The following DOCK7 variants were observed in gnomAD, a reference collection of about 807,000 sequenced individuals.
DOCK7 encodes the protein dedicator of cytokinesis 7, also known as dedicator of cytokinesis protein 7.
In DOCK7, 138 loss-of-function variants were observed where a neutral mutation model predicts 271.0. The ratio of observed to expected loss-of-function variants is 0.51; its 90% confidence interval spans 0.44 to 0.59. The LOEUF is 0.59. Among genes scored for constraint, DOCK7 ranks in the 20% least tolerant of loss-of-function variants. The probability of loss-of-function intolerance (pLI) is 0.00; values close to 1 mark genes in which losing one functional copy is unlikely to be tolerated. For synonymous variants in DOCK7, 823 were observed against 876.1 expected, an observed-to-expected ratio of 0.94 and a Z score of 1.07; for missense variants, 2,066 against 2,592.4, an observed-to-expected ratio of 0.80 and a Z score of 4.41.
At chr1:62,561,809 A>T in intron 18 of DOCK7, 106 bp from the exon 19 acceptor site, 1 of 573,402 alleles carries the variant, frequency 1.7e-6, no homozygotes, top group Non-Finnish European at 2.9e-6. Context: ...GTGAAAATAT[A>T]TTTTTATTCA....
intron 20 of DOCK7, 106 bp from the exon 21 acceptor site, chr1:62,556,095 T>C: frequency 5.4e-6 from 6 of 1,119,100 alleles, no homozygotes; most frequent in East Asian, 2.4e-5. Context: ...GTATAGTGAC[T>C]ACACAGTAAG....
rs142687575 is a variant in DOCK7 at position 62,685,998 on chromosome 1, G to A, written c.38+2229C>T. ...CAACTGATTCTCTTTTTCTCTTGTG[G>A]TTTGTCCTATCCCATCTGGTGGCGA... On this transcript the variant is annotated intron_variant, in intron 1 of 49. Transcript: ENST00000635253. Among the ~76,000 whole-genome samples, 7 of 152,060 alleles carry A rather than the reference G, an allele frequency of 4.6e-5. No homozygotes were observed. In the East Asian group the frequency reaches 1.4e-3, roughly 29 times the overall value.
At chr1:62,504,814 T>C in intron 36 of DOCK7, 32 bp from the exon 37 acceptor site, 1 of 1,603,948 alleles carries the variant, frequency 6.2e-7, no homozygotes, top group East Asian at 2.2e-5. Flanking sequence ...CACCACTGAA[T>C]TTTTACAGTA....
intron 14 of DOCK7, among the ~76,000 whole-genome samples, chr1:62,616,868 G>T (rs1571782825): frequency 6.6e-6 from 1 of 151,638 alleles, no homozygotes; most frequent in East Asian, 1.9e-4. Context: ...CAAGGGTACT[G>T]CTTAAAGCCA....
chr1:62,476,147 C>T lies in DOCK7; in HGVS notation c.5644G>A (p.Gly1882Arg), dbSNP rs1412298914. The change falls in exon 45 of 50, where the codon GGA becomes AGA. Residue 1882 changes from glycine (G) to arginine (R), a missense_variant. Physicochemically the swap from Gly to Arg is moderately radical, Grantham distance 125 (BLOSUM62 -2). Transcript: ENST00000635253. The stretch of plus-strand genomic sequence containing the variant: ...ACCACATCCTCTCCAAATCTTTCTC[C>T]GTAAAATCCCTACAATAAAGAAAAA... ...EISHRLEGFYGERFGEDVVEV... is the reference protein window; with the variant it reads ...EISHRLEGFYRERFGEDVVEV... 23 of 1,611,022 alleles carry T rather than the reference C, an allele frequency of 1.4e-5. No individual in the cohort carries two copies. The highest frequency in any genetic ancestry group is 2.0e-5 in the Non-Finnish European group (23 of 1,178,886).
intron 15 of DOCK7, among the ~76,000 whole-genome samples, chr1:62,586,188 C>CT (rs1161246982): frequency 6.6e-6 from 1 of 152,134 alleles, no homozygotes; most frequent in Non-Finnish European, 1.5e-5. Flanking sequence ...GATATCTCTA[C>CT]TTTGATAGAG....
intron 48 of DOCK7, among the ~76,000 whole-genome samples, chr1:62,463,167 T>C (rs1415331293): frequency 6.6e-6 from 1 of 152,134 alleles, no homozygotes; most frequent in East Asian, 1.9e-4. Flanking sequence ...TATGTAACTT[T>C]ACAGAGGAGG....
intron 18 of DOCK7, among the ~76,000 whole-genome samples, chr1:62,562,233 C>CATTTTTTTTTT: frequency 8.2e-6 from 1 of 121,260 alleles, no homozygotes. Flanking sequence ...GATCCAAAAA[C>CATTTTTTTTTT]TTTTTTTTTT....
At chr1:62,590,900 CTTAGT>C (rs1348023022) in intron 14 of DOCK7, among the ~76,000 whole-genome samples, 2 of 151,998 alleles carry the variant, frequency 1.3e-5, no homozygotes, top group African/African-American at 4.8e-5. Flanking sequence ...TGGTGGGAGT[CTTAGT>C]TTAACCACTG....
At position 62,511,734 on chromosome 1, in the gene DOCK7, A is replaced by G. The variant is rs1032516499; in HGVS notation, c.4283-1061T>C. ...TCTCTTTCTCTTTTTTAAATTCTGA[A>G]ATCCATGTCTTTAGGAAATTTATGG... On this transcript the variant is annotated intron_variant, in intron 33 of 49. Transcript: ENST00000635253. Among the ~76,000 whole-genome samples the G allele has an allele frequency of 2.6e-5, 4 of 152,052 alleles. No homozygotes were observed. The East Asian group carries it at 5.8e-4, about 22-fold the overall frequency.
In DOCK7 at chr1:62,652,090, A is replaced by G. The variant is rs77053163; in HGVS notation, c.389+1635T>C. On this transcript the variant is annotated intron_variant, in intron 4 of 49. Coordinates refer to ENST00000635253, the MANE Select transcript of DOCK7 (RefSeq NM_001367561.1). ...AATTACTGATCCTAAATAAATAAAT[A>G]AATAAAGGCAGATATCTCTGCTGTC... Among the ~76,000 whole-genome samples, 838 of 152,306 alleles carry G rather than the reference A, an allele frequency of 5.5e-3. 12 individuals carry two copies. Among genetic ancestry groups the G allele is most frequent in the African/African-American group, 0.019 (790 of 41,568 alleles).
intron 31 of DOCK7, among the ~76,000 whole-genome samples, chr1:62,524,126 G>A (rs1024948561): frequency 3.3e-5 from 5 of 152,140 alleles, no homozygotes; most frequent in Admixed American, 2.6e-4. Context: ...ATGGAAAAGT[G>A]CACACCGCAC....
intron 16 of DOCK7, among the ~76,000 whole-genome samples, chr1:62,582,002 AAAAGGATCATTTG>A (rs1647139451): frequency 6.6e-6 from 1 of 152,194 alleles, no homozygotes; most frequent in Non-Finnish European, 1.5e-5. Context: ...GGAAGAGGTT[AAAAGGATCATTTG>A]AAAGCAGAGG....
At chr1:62,564,365 C>T (rs1646438487) in intron 18 of DOCK7, among the ~76,000 whole-genome samples, 1 of 152,146 alleles carries the variant, frequency 6.6e-6, no homozygotes, top group African/African-American at 2.4e-5. Context: ...ATAACAGTCT[C>T]TCAGACCACA....
At chr1:62,658,001 A>G (rs1303756681) in intron 2 of DOCK7, among the ~76,000 whole-genome samples, 1 of 152,154 alleles carries the variant, frequency 6.6e-6, no homozygotes, top group Admixed American at 6.5e-5. Flanking sequence ...GCTGAAATAT[A>G]TCTGAAAAAA....
intron 20 of DOCK7, among the ~76,000 whole-genome samples, chr1:62,556,930 C>T (rs1017778974): frequency 6.6e-6 from 1 of 152,148 alleles, no homozygotes; most frequent in African/African-American, 2.4e-5. Flanking sequence ...CTTTTTCTTA[C>T]AGTAGCTACT....
rs1645319276 is a variant in DOCK7 at position 62,455,433 on chromosome 1, A to T, written c.6404T>A (p.Leu2135His). Reference sequence around the variant, plus strand: ...TTCAGTTTAGAGATCCATTTTGCGAAGGCTCATTCGACTGAAGGAATCTCT... The same window carrying T: ...TTCAGTTTAGAGATCCATTTTGCGATGGCTCATTCGACTGAAGGAATCTCT... ...CHRDSFSRMS[L>H]RKMDL The change falls in exon 50 of 50, where the codon CTT (leucine) becomes CAT (histidine). Residue 2135 changes from leucine (L) to histidine (H), a missense_variant. Leu to His is a moderately conservative substitution (Grantham distance 99). Coordinates refer to ENST00000635253, the MANE Select transcript of DOCK7 (RefSeq NM_001367561.1). The T allele has an allele frequency of 6.2e-7, 1 of 1,613,582 alleles. No individual in the cohort carries two copies. The highest frequency in any genetic ancestry group is 1.7e-5 in the Admixed American group (1 of 59,998).
At chr1:62,492,552 T>A in intron 41 of DOCK7, 152 bp downstream of exon 41, 1 of 838,330 alleles carries the variant, frequency 1.2e-6, no homozygotes, top group Non-Finnish European at 1.9e-6. Context: ...CCTCTCAAAG[T>A]GCTGAGATTA....
chr1:62,577,412 AAAT>A (rs1438491727), intron 17 of DOCK7, 49 bp from the exon 18 acceptor site: 4 of 1,431,166 alleles, frequency 2.8e-6, no homozygotes, highest in Non-Finnish European at 3.8e-6. Context: ...CTTGCTATAA[AAAT>A]AATTACTTAG....
Sources: gnomAD v4.1 joint callset for allele counts (sites outside exome capture counted in the v4.1 genomes callset) on GRCh38, gnomAD v4.1.1 for gene constraint, MANE v1.5 for transcripts, NCBI Gene and HGNC (gene_info 2026-07-23, HGNC 2026-07-21) for gene names.